FBXO36: variants seen among roughly 807,000 people sequenced by gnomAD.
The protein encoded by FBXO36 is F-box protein 36, also known as F-box only protein 36.
In FBXO36, 18 loss-of-function variants were observed where a neutral mutation model predicts 17.0. The observed-to-expected ratio is 1.06, with a 90% CI of 0.73 to 1.57. The LOEUF (loss-of-function observed/expected upper bound fraction) is 1.57, where lower values mean the gene tolerates loss of function less well. Ranked by LOEUF, FBXO36 falls within the 40% of genes most tolerant of loss-of-function variation. The pLI is 0.00. For synonymous variants in FBXO36, 83 were observed against 85.3 expected (o/e 0.97, Z 0.15); for missense variants, 229 against 221.9 (o/e 1.03, Z -0.20).
In FBXO36 at chr2:229,976,287, C is replaced by T; in HGVS notation, c.143C>T (p.Ser48Leu). Reference sequence around the variant, plus strand: ...ATCTCTCTAAGGAGTGAGTATCGATCAACAAAACCTGGAGAAGCAAAAGAA... The same window carrying T: ...ATCTCTCTAAGGAGTGAGTATCGATTAACAAAACCTGGAGAAGCAAAAGAA... ...WKISLRSEYR[S>L]TKPGEAKETH... The change falls in exon 2 of 4, where the codon TCA (serine) becomes TTA (leucine). Residue 48 changes from serine (S) to leucine (L), a missense_variant. Coordinates refer to ENST00000283946, the MANE Select transcript of FBXO36 (RefSeq NM_174899.5). The T allele has an allele frequency of 1.9e-6, 3 of 1,613,586 alleles. No individual in the cohort carries two copies. Among genetic ancestry groups the T allele is most frequent in the Admixed American group, 3.3e-5 (2 of 59,940 alleles).
intron 2 of FBXO36, among the ~76,000 whole-genome samples, chr2:229,977,492 C>T (rs1395652783): frequency 1.3e-5 from 2 of 151,862 alleles, no homozygotes; most frequent in Non-Finnish European, 2.9e-5. Context: ...CTCTTGTTGC[C>T]CATGCTGGAA....
chr2:229,960,705 A>T (rs1054659898), intron 1 of FBXO36, among the ~76,000 whole-genome samples: 1 of 152,126 alleles, frequency 6.6e-6, no homozygotes, highest in Non-Finnish European at 1.5e-5. Flanking sequence ...GTTGCGCTGC[A>T]TTGCCCAGGC....
At chr2:229,985,252 G>T (rs910574512) in intron 2 of FBXO36, among the ~76,000 whole-genome samples, 15 of 152,050 alleles carry the variant, frequency 9.9e-5, no homozygotes, top group Non-Finnish European at 1.5e-4. Flanking sequence ...TTTCAATTTA[G>T]AGTAATTTAA....
At chr2:230,001,747 AC>A (rs2077360029) in intron 3 of FBXO36, among the ~76,000 whole-genome samples, 1 of 152,192 alleles carries the variant, frequency 6.6e-6, no homozygotes, top group East Asian at 1.9e-4. Flanking sequence ...GATCAGTGCT[AC>A]CTGACACGTG....
At chr2:229,953,521 A>C (rs962574636) in intron 1 of FBXO36, among the ~76,000 whole-genome samples, 1 of 145,776 alleles carries the variant, frequency 6.9e-6, no homozygotes. Context: ...ACCAAAAATT[A>C]AAAAAAAAAA....
chr2:229,926,323 C>T (rs573184401), intron 1 of FBXO36, among the ~76,000 whole-genome samples: 5 of 149,960 alleles, frequency 3.3e-5, no homozygotes, highest in Admixed American at 6.7e-5. Context: ...CCTAGCTACT[C>T]GGGAGGCTGA....
At chr2:229,923,922 G>T (rs1170312136) in intron 1 of FBXO36, among the ~76,000 whole-genome samples, 1 of 137,894 alleles carries the variant, frequency 7.3e-6, no homozygotes, top group East Asian at 2.1e-4. Flanking sequence ...GCGCGATCTC[G>T]GCTCACTGCG....
chr2:229,960,035 ATTCTTAGTGTGGGGG>A (rs2077112295), intron 1 of FBXO36, among the ~76,000 whole-genome samples: 1 of 152,026 alleles, frequency 6.6e-6, no homozygotes, highest in East Asian at 1.9e-4. Context: ...ATGCATAATG[ATTCTTAGTGTGGGGG>A]TGCTATCCCT....
intron 2 of FBXO36, among the ~76,000 whole-genome samples, chr2:229,978,591 A>AAATAAT (rs751071822): frequency 6.6e-6 from 1 of 151,838 alleles, no homozygotes; most frequent in Non-Finnish European, 1.5e-5. Flanking sequence ...CCATCTCAAA[A>AAATAAT]AATAATAATA....
intron 1 of FBXO36, among the ~76,000 whole-genome samples, chr2:229,953,656 AATG>A (rs2077069067): frequency 1.3e-5 from 2 of 151,968 alleles, no homozygotes; most frequent in East Asian, 1.9e-4. Context: ...TGGATGACAG[AATG>A]ATATCTTGTC....
In FBXO36 at chr2:229,985,369, C is replaced by T. The variant is rs536432052; in HGVS notation, c.205+9020C>T. Among the ~76,000 whole-genome samples, 146 of 152,278 alleles carry T rather than the reference C, an allele frequency of 9.6e-4. 1 individual carries two copies. Among genetic ancestry groups the T allele is most frequent in the African/African-American group, 3.4e-3 (142 of 41,558 alleles). ...ATAGGAGGTAGGTGTTTTCTTACCC[C>T]TTTTGCCACCATGCCTTGTTCCATA... On this transcript the variant is annotated intron_variant, in intron 2 of 3. Transcript: ENST00000283946.
intron 2 of FBXO36, among the ~76,000 whole-genome samples, chr2:229,978,547 G>C (rs1193609239): frequency 2.0e-5 from 3 of 147,042 alleles, no homozygotes; most frequent in African/African-American, 7.5e-5. Flanking sequence ...AGATCACGCC[G>C]TTGCACTCCA....
At position 229,976,329 on chromosome 2, in the gene FBXO36, T is replaced by C. The variant is rs975650207; in HGVS notation, c.185T>C (p.Leu62Pro). 1 of 1,612,890 alleles carries C rather than the reference T, an allele frequency of 6.2e-7. No individual in the cohort carries two copies. The highest frequency in any genetic ancestry group is 8.5e-7 in the Non-Finnish European group (1 of 1,178,972). Residue 62 changes from leucine (L) to proline (P), a missense_variant, in exon 2 of 4, where the codon CTA becomes CCA. Coordinates refer to ENST00000283946, the MANE Select transcript of FBXO36 (RefSeq NM_174899.5). ...GEAKETHEDF[L>P]ENSHLQGQTA... Reference sequence around the variant, plus strand: ...GCAAAAGAAACCCATGAAGACTTCCTAGAGAATTCACATCTTCAAGGTAAG... The same window carrying C: ...GCAAAAGAAACCCATGAAGACTTCCCAGAGAATTCACATCTTCAAGGTAAG...
chr2:229,977,146 T>A (rs1031900681), intron 2 of FBXO36: 6 of 152,114 alleles, frequency 3.9e-5, no homozygotes, highest in Admixed American at 1.3e-4. Context: ...CATCTATATT[T>A]AAAAAACATT....
At chr2:229,952,848 T>C (rs1216878716) in intron 1 of FBXO36, among the ~76,000 whole-genome samples, 1 of 152,204 alleles carries the variant, frequency 6.6e-6, no homozygotes, top group Non-Finnish European at 1.5e-5. Context: ...TCTTACCTGA[T>C]GCTGGCCAGT....
In FBXO36 at chr2:229,941,069, A is replaced by T. The variant is rs115156349; in HGVS notation, c.96+18460A>T. The stretch of plus-strand genomic sequence containing the variant: ...CCTACTGCTTGCCACTGGACCAAAG[A>T]TAGACACCTGACTCTAGCGCAGTGA... On this transcript the variant is annotated intron_variant, in intron 1 of 3. Transcript: ENST00000283946. 2.4e-3 allele frequency among the ~76,000 whole-genome samples: 371 copies of T among 152,208 alleles called. 2 individuals are homozygous for T. Among genetic ancestry groups the T allele is most frequent in the Non-Finnish European group, 4.1e-3 (281 of 68,012 alleles).
intron 1 of FBXO36, among the ~76,000 whole-genome samples, chr2:229,952,000 T>A (rs556943621): frequency 6.6e-6 from 1 of 152,232 alleles, no homozygotes; most frequent in Admixed American, 6.5e-5. Context: ...GAAAAAAAAA[T>A]TTTGCATGAA....
chr2:230,000,765 C>T (rs2077354090), intron 3 of FBXO36, among the ~76,000 whole-genome samples: 1 of 151,884 alleles, frequency 6.6e-6, no homozygotes, highest in African/African-American at 2.4e-5. Context: ...CAGCCCTGAG[C>T]ATCTTTACAG....
chr2:229,978,147 G>C (rs1560448007), intron 2 of FBXO36, among the ~76,000 whole-genome samples: 1 of 152,120 alleles, frequency 6.6e-6, no homozygotes, highest in East Asian at 1.9e-4. Context: ...AATTAGCTAG[G>C]TGTGGTGACA....
Sources: allele counts gnomAD v4.1 joint callset (sites outside exome capture counted in the v4.1 genomes callset), GRCh38; gene constraint gnomAD v4.1.1; transcripts MANE v1.5; gene names NCBI Gene and HGNC (gene_info 2026-07-23, HGNC 2026-07-21).